Variants in MEF2D observed in about 807,000 individuals in gnomAD.
MEF2D encodes myocyte-specific enhancer factor 2D.
Under a neutral mutation model 59.3 loss-of-function variants are expected in MEF2D, and 10 were observed. That is an observed-to-expected ratio of 0.17 (90% CI 0.10 to 0.29). MEF2D has a LOEUF of 0.29. Ranked by LOEUF, MEF2D falls within the 10% of genes least tolerant of loss-of-function variation. MEF2D has a pLI of 1.00. For synonymous variants in MEF2D, 305 were observed against 295.0 expected (o/e 1.03, Z -0.35); for missense variants, 508 against 699.4 (o/e 0.73, Z 3.09).
rs554796691 is a variant in MEF2D, at chr1:156,465,450, AC to A, written c.*2194del. The A allele has an allele frequency of 6.6e-6, 1 of 152,542 alleles. No individual in the cohort carries two copies. Among genetic ancestry groups the A allele is most frequent in the Non-Finnish European group, 1.5e-5 (1 of 68,220 alleles). 9.4% of individuals were successfully genotyped at this position (152,542 alleles called of 1,614,324 possible). The stretch of plus-strand genomic sequence containing the variant: ...CAATGTGTCAGAGCTGAGGGTGAAC[AC>A]AGGGAAAGGAGCAGGGAAGACAGGA... On this transcript the variant is annotated 3_prime_UTR_variant, in exon 12 of 12. Transcript: ENST00000348159.
intron 1 of MEF2D, among the ~76,000 whole-genome samples, chr1:156,491,766 A>G (rs1231526084): frequency 6.6e-6 from 1 of 152,206 alleles, no homozygotes; most frequent in Non-Finnish European, 1.5e-5. Flanking sequence ...GCCGAGCTGC[A>G]ATGACTCACC....
chr1:156,493,047 G>C (rs893037928), intron 1 of MEF2D, among the ~76,000 whole-genome samples: 6 of 152,264 alleles, frequency 3.9e-5, no homozygotes, highest in Non-Finnish European at 5.9e-5. Flanking sequence ...TCTCTTCCTG[G>C]GCAGTGTTTG....
chr1:156,475,079 A>G, intron 9 of MEF2D, 29 bp downstream of exon 9: 1 of 1,613,844 alleles, frequency 6.2e-7, no homozygotes, highest in Non-Finnish European at 8.5e-7. Context: ...GCCCAAGTGC[A>G]CACATGCACA....
chr1:156,491,570 T>G (rs937275684), intron 1 of MEF2D, among the ~76,000 whole-genome samples: 13 of 152,144 alleles, frequency 8.5e-5, no homozygotes, highest in Admixed American at 8.5e-4. Context: ...AAGTACCAAG[T>G]GGGGCACACA....
intron 1 of MEF2D, among the ~76,000 whole-genome samples, chr1:156,497,537 C>T (rs893876163): frequency 6.6e-6 from 1 of 152,188 alleles, no homozygotes; most frequent in Admixed American, 6.5e-5. Flanking sequence ...TGAACACCAA[C>T]GATGACCTGT....
At chr1:156,493,779 G>C (rs1672964728) in intron 1 of MEF2D, among the ~76,000 whole-genome samples, 1 of 152,064 alleles carries the variant, frequency 6.6e-6, no homozygotes, top group Non-Finnish European at 1.5e-5. Context: ...GGGAAGTCCT[G>C]CCTGTTGTCT....
At chr1:156,479,460 C>G (rs1671838590) in intron 5 of MEF2D, 114 bp from the exon 6 acceptor site, 2 of 1,487,918 alleles carry the variant, frequency 1.3e-6, no homozygotes, top group African/African-American at 2.8e-5. Context: ...TCCCTTCCCT[C>G]AGGAGCCATA....
chr1:156,493,964 G>C (rs1672975384), intron 1 of MEF2D, among the ~76,000 whole-genome samples: 1 of 152,112 alleles, frequency 6.6e-6, no homozygotes, highest in Non-Finnish European at 1.5e-5. Flanking sequence ...CAGCCATCAT[G>C]GGCCCCAGAG....
chr1:156,492,331 C>T (rs1377995898), intron 1 of MEF2D, among the ~76,000 whole-genome samples: 1 of 152,214 alleles, frequency 6.6e-6, no homozygotes, highest in Non-Finnish European at 1.5e-5. Context: ...AGGGCTGAGT[C>T]CTTGGACTCA....
chr1:156,468,651 C>T lies in MEF2D; in HGVS notation c.1247+129G>A, dbSNP rs1671024961. The T allele has an allele frequency of 6.9e-7, 1 of 1,446,692 alleles. No homozygotes were observed. Among genetic ancestry groups the T allele is most frequent in the Admixed American group, 2.1e-5 (1 of 47,934 alleles). 89.6% of individuals were successfully genotyped at this position (1,446,692 alleles called of 1,614,324 possible). On this transcript the variant is annotated intron_variant, in intron 10 of 11. Coordinates refer to ENST00000348159, the MANE Select transcript of MEF2D (RefSeq NM_005920.4). This position sits in a 1 kb window ranked among gnomAD's most constrained non-coding sequence, Gnocchi z 4.3. ...AGGGGTGCCACTGTTGCCTAACAGA[C>T]TGTGCAGTGCACAGCCTCATAGGAT...
At position 156,475,196 on chromosome 1, in the gene MEF2D, C is replaced by T. The variant is rs200731594; in HGVS notation, c.918G>A (p.Ser306=). 32 of 1,613,690 alleles carry T rather than the reference C, an allele frequency of 2.0e-5. No homozygotes were observed. The highest frequency in any genetic ancestry group is 1.6e-4 in the Middle Eastern group (1 of 6,070). ...CCACAGAAACCACTGGGGTGGTGAG[C>T]GAATGAGTAGACTGGGAGACCCCAA... The part of the protein sequence containing the change: ...QRLGVSQSTH[S]LTTPVVSVAT... The change falls in exon 9 of 12, where the codon TCG becomes TCA. Residue 306 remains serine (S), a synonymous_variant. Transcript: ENST00000348159.
chr1:156,492,313 A>G (rs1672852971), intron 1 of MEF2D, among the ~76,000 whole-genome samples: 1 of 152,186 alleles, frequency 6.6e-6, no homozygotes, highest in African/African-American at 2.4e-5. Context: ...CTACAGAAAG[A>G]ACTTCTCAGG....
rs1571213243 is a variant in MEF2D at position 156,468,349 on chromosome 1, T to G, written c.1248-50A>C. The G allele has an allele frequency of 1.5e-6, 2 of 1,343,508 alleles. No homozygotes were observed. The highest frequency in any genetic ancestry group is 1.5e-5 in the African/African-American group (1 of 67,470). The allele number at this position is 1,343,508 out of a possible 1,614,324, so 83.2% of individuals were successfully genotyped here. A position where few individuals can be genotyped will look rare whatever the true frequency, so the allele number is the denominator to read the frequency against. On this transcript the variant is annotated intron_variant, in intron 10 of 11. Coordinates refer to ENST00000348159, the MANE Select transcript of MEF2D (RefSeq NM_005920.4). This position sits in a 1 kb window ranked among gnomAD's most constrained non-coding sequence, Gnocchi z 4.3. ...GTACAAGGGATAAAAACAGAGGGGG[T>G]GAGTGACAGAACAAGTGATAGGACA... is the stretch of plus-strand genomic sequence containing the variant.
chr1:156,498,508 C>CT (rs1369070098), intron 1 of MEF2D, among the ~76,000 whole-genome samples: 1 of 152,096 alleles, frequency 6.6e-6, no homozygotes, highest in Non-Finnish European at 1.5e-5. Flanking sequence ...GACGAAAGCT[C>CT]TGACACAGAT....
chr1:156,481,276 G>A (rs990756569), intron 3 of MEF2D, among the ~76,000 whole-genome samples: 2 of 152,166 alleles, frequency 1.3e-5, no homozygotes, highest in African/African-American at 4.8e-5. Flanking sequence ...GGGCTTCCAG[G>A]GGATGGGGCC....
chr1:156,481,447 G>A lies in MEF2D; in HGVS notation c.259-476C>T, dbSNP rs536403750. ...TGCTTAGGAGAATAGGAGGAAGAGA[G>A]AAATAGAGATGGAGACAGAGAGAGC... On this transcript the variant is annotated intron_variant, in intron 3 of 11. Coordinates refer to ENST00000348159, the MANE Select transcript of MEF2D (RefSeq NM_005920.4). Among the ~76,000 whole-genome samples, 152 of 152,282 alleles carry A rather than the reference G, an allele frequency of 1.0e-3. 1 individual carries two copies. The highest frequency in any genetic ancestry group is 1.9e-3 in the Non-Finnish European group (128 of 68,014).
At chr1:156,477,328 G>C in intron 6 of MEF2D, 126 bp from the exon 7 acceptor site, 1 of 758,160 alleles carries the variant, frequency 1.3e-6, no homozygotes, top group Non-Finnish European at 2.1e-6. Context: ...CTTTGAGTGG[G>C]GGCTGAGCTA....
chr1:156,468,704 G>A lies in MEF2D; in HGVS notation c.1247+76C>T, dbSNP rs1671028341. ...CCACTAGAACCCTGCAGGGAACCCAGCTCCCAAGAGGTCCCTCCTCTTCCC... is the reference window on the plus strand; with the variant it reads ...CCACTAGAACCCTGCAGGGAACCCAACTCCCAAGAGGTCCCTCCTCTTCCC... On this transcript the variant is annotated intron_variant, in intron 10 of 11. Coordinates refer to ENST00000348159, the MANE Select transcript of MEF2D (RefSeq NM_005920.4). The surrounding 1 kb of genome is among the most constrained non-coding windows in gnomAD (Gnocchi z 4.3). 1.3e-6 allele frequency: 2 copies of A among 1,557,430 alleles called. No individual in the cohort carries two copies. Among genetic ancestry groups the A allele is most frequent in the African/African-American group, 2.7e-5 (2 of 74,068 alleles).
intron 9 of MEF2D, among the ~76,000 whole-genome samples, chr1:156,470,629 A>C (rs1671179505): frequency 6.6e-6 from 1 of 152,154 alleles, no homozygotes; most frequent in South Asian, 2.1e-4. Context: ...GGTTAAAGGC[A>C]TGAGCTATGA....
Sources: gnomAD v4.1 joint callset for allele counts (sites outside exome capture counted in the v4.1 genomes callset) on GRCh38, gnomAD v4.1.1 for gene constraint, Gnocchi (gnomAD v3.1) non-coding constraint, MANE v1.5 for transcripts, NCBI Gene and HGNC (gene_info 2026-07-23, HGNC 2026-07-21) for gene names.